The following PDSS2 variants were observed in gnomAD, a reference collection of about 807,000 sequenced individuals.
PDSS2 encodes the protein all trans-polyprenyl-diphosphate synthase PDSS2.
A neutral mutation model predicts 44.5 loss-of-function variants in PDSS2; 31 were observed. The observed-to-expected ratio is 0.70, with a 90% confidence interval of 0.52 to 0.94. The LOEUF is 0.94. PDSS2 is among the 40% of genes least tolerant of loss of function. The pLI, the probability that PDSS2 is intolerant of heterozygous loss-of-function variation, is 0.00. For missense variants in PDSS2, 452 were observed against 482.2 expected (o/e 0.94, Z 0.59); for synonymous variants, 157 against 180.3 (o/e 0.87, Z 1.03).
intron 2 of PDSS2, among the ~76,000 whole-genome samples, chr6:107,333,408 C>T (rs961660284): frequency 3.9e-5 from 6 of 152,062 alleles, no homozygotes; most frequent in Non-Finnish European, 5.9e-5. Flanking sequence ...GTAATACATA[C>T]TTACAAATTT....
At chr6:107,287,531 A>T (rs1280448389) in intron 2 of PDSS2, among the ~76,000 whole-genome samples, 4 of 151,734 alleles carry the variant, frequency 2.6e-5, no homozygotes, top group Non-Finnish European at 5.9e-5. Context: ...TTTTCATTTT[A>T]TTTTTTTTGA....
chr6:107,165,523 T>C (rs1208970856), intron 7 of PDSS2, among the ~76,000 whole-genome samples: 1 of 152,206 alleles, frequency 6.6e-6, no homozygotes, highest in African/African-American at 2.4e-5. Context: ...CATTGGTCTG[T>C]ATCTCTGTTT....
Position 107,153,370 on chromosome 6 carries a change from G to A in PDSS2, c.*1249C>T, listed in dbSNP as rs377234956. 2 of 152,580 alleles carry A rather than the reference G, an allele frequency of 1.3e-5. No individual in the cohort carries two copies. Among genetic ancestry groups the A allele is most frequent in the African/African-American group, 4.8e-5 (2 of 41,450 alleles). 9.5% of individuals were successfully genotyped at this position (152,580 alleles called of 1,614,324 possible). On this transcript the variant is annotated 3_prime_UTR_variant, in exon 8 of 8. Coordinates refer to ENST00000369037, the MANE Select transcript of PDSS2 (RefSeq NM_020381.4). ...ACAGTGTCCGATTGCAGGCCTGTGAGATTGCTTATATTCTTTCTGTAATTG... is the reference window on the plus strand; with the variant it reads ...ACAGTGTCCGATTGCAGGCCTGTGAAATTGCTTATATTCTTTCTGTAATTG...
In PDSS2 at chr6:107,154,609, T is replaced by C; in HGVS notation, c.*10A>G. 1 of 1,613,880 alleles carries C rather than the reference T, an allele frequency of 6.2e-7. No individual in the cohort carries two copies. On this transcript the variant is annotated 3_prime_UTR_variant, in exon 8 of 8. Transcript: ENST00000369037. ...CAGCTAACTAACAATAGTGTCTTTT[T>C]AATTTGATGTCATGAAAATCTGGTC...
At chr6:107,398,898 C>T (rs542694095) in intron 1 of PDSS2, among the ~76,000 whole-genome samples, 1 of 152,318 alleles carries the variant, frequency 6.6e-6, no homozygotes, top group South Asian at 2.1e-4. Context: ...TCTAGACTTT[C>T]AGTGTATCTC....
At chr6:107,314,059 A>G (rs1777129308) in intron 2 of PDSS2, among the ~76,000 whole-genome samples, 1 of 152,196 alleles carries the variant, frequency 6.6e-6, no homozygotes, top group South Asian at 2.1e-4. Flanking sequence ...CCAAGGTTGC[A>G]GTGAACTATG....
chr6:107,328,703 G>T lies in PDSS2; in HGVS notation c.431+5495C>A, dbSNP rs916726528. ...GTACTACTACTGACAGGGACCAATG[G>T]GTTCTGTAGTCAAATGACTGGGAAA... is the stretch of plus-strand genomic sequence containing the variant. On this transcript the variant is annotated intron_variant, in intron 2 of 7. Coordinates refer to ENST00000369037, the MANE Select transcript of PDSS2 (RefSeq NM_020381.4). Among the ~76,000 whole-genome samples the T allele has an allele frequency of 2.6e-5, 4 of 152,110 alleles. No individual in the cohort carries two copies. In the South Asian group the frequency reaches 6.2e-4, roughly 24 times the overall value.
chr6:107,253,019 TA>T (rs1167269749), intron 3 of PDSS2, among the ~76,000 whole-genome samples: 4 of 152,182 alleles, frequency 2.6e-5, no homozygotes, highest in Non-Finnish European at 5.9e-5. Context: ...AATTAATACA[TA>T]TAAAAATGTT....
intron 1 of PDSS2, among the ~76,000 whole-genome samples, chr6:107,366,931 C>A (rs1470943190): frequency 2.0e-5 from 3 of 152,092 alleles, no homozygotes; most frequent in Non-Finnish European, 4.4e-5. Flanking sequence ...GAAAGAAATA[C>A]TGATTCTTCA....
intron 1 of PDSS2, among the ~76,000 whole-genome samples, chr6:107,455,247 ATCT>A (rs1781999324): frequency 6.7e-6 from 1 of 148,970 alleles, no homozygotes; most frequent in South Asian, 2.2e-4. Context: ...CTCTGAAGAG[ATCT>A]TCTCCAAACC....
intron 1 of PDSS2, among the ~76,000 whole-genome samples, chr6:107,446,297 G>A (rs534771240): frequency 1.8e-4 from 27 of 151,450 alleles, no homozygotes; most frequent in South Asian, 4.2e-4. Flanking sequence ...GCCTGGCAAC[G>A]AAGCAAGACT....
At chr6:107,189,906 T>C (rs184942522) in intron 7 of PDSS2, among the ~76,000 whole-genome samples, 1 of 151,350 alleles carries the variant, frequency 6.6e-6, no homozygotes, top group Non-Finnish European at 1.5e-5. Context: ...ATTAAATAAA[T>C]AAAGAAAGAA....
intron 1 of PDSS2, among the ~76,000 whole-genome samples, chr6:107,394,032 T>C (rs921563614): frequency 6.6e-6 from 1 of 152,202 alleles, no homozygotes; most frequent in Non-Finnish European, 1.5e-5. Context: ...TCTGGAAGAT[T>C]TAGACCACTT....
intron 1 of PDSS2, among the ~76,000 whole-genome samples, chr6:107,350,745 G>A (rs1778407205): frequency 6.6e-6 from 1 of 152,150 alleles, no homozygotes; most frequent in Non-Finnish European, 1.5e-5. Context: ...AGGAGTTCCA[G>A]GATGCAGTGA....
chr6:107,256,143 A>G (rs969468730), intron 3 of PDSS2, among the ~76,000 whole-genome samples: 22 of 152,110 alleles, frequency 1.4e-4, no homozygotes, highest in African/African-American at 4.3e-4. Context: ...GGTGCATGCC[A>G]CCATGCCCGG....
intron 1 of PDSS2, among the ~76,000 whole-genome samples, chr6:107,439,232 G>A (rs990209952): frequency 1.6e-4 from 25 of 152,164 alleles, no homozygotes; most frequent in Non-Finnish European, 4.4e-5. Context: ...ACAAGGCCAT[G>A]GCAATTTCAG....
chr6:107,193,459 G>C (rs1200889707), intron 7 of PDSS2, among the ~76,000 whole-genome samples: 1 of 152,148 alleles, frequency 6.6e-6, no homozygotes, highest in Non-Finnish European at 1.5e-5. Flanking sequence ...ACAATAGCTA[G>C]TGATTTTACT....
intron 7 of PDSS2, among the ~76,000 whole-genome samples, chr6:107,165,706 T>C (rs1395116057): frequency 3.3e-5 from 5 of 151,896 alleles, no homozygotes; most frequent in Admixed American, 1.3e-4. Context: ...GTGAAGAAAG[T>C]CATTGGTAGC....
intron 7 of PDSS2, chr6:107,192,248 T>TA: frequency 2.6e-6 from 1 of 379,640 alleles, no homozygotes; most frequent in East Asian, 7.0e-5. Context: ...GGTTTACAGG[T>TA]GCTCCTATTA....
Sources: gnomAD v4.1 joint callset for allele counts (sites outside exome capture counted in the v4.1 genomes callset) on GRCh38, gnomAD v4.1.1 for gene constraint, MANE v1.5 for transcripts, NCBI Gene and HGNC (gene_info 2026-07-23, HGNC 2026-07-21) for gene names.